Variants in DYNC1I1 observed in about 807,000 individuals in gnomAD.
DYNC1I1 encodes the protein dynein cytoplasmic 1 intermediate chain 1, also known as cytoplasmic dynein 1 intermediate chain 1.
DYNC1I1 carries 43 observed loss-of-function variants against 86.6 expected under a neutral mutation model. The ratio of observed to expected loss-of-function variants is 0.50; its 90% CI spans 0.39 to 0.64. The LOEUF (loss-of-function observed/expected upper bound fraction) is 0.64, where lower values mean the gene tolerates loss of function less well. Ranked by LOEUF, DYNC1I1 falls within the 30% of genes least tolerant of loss-of-function variation. The pLI is 0.00. For missense variants in DYNC1I1, 604 were observed against 788.8 expected, an observed-to-expected ratio of 0.77 and a Z score of 2.81; for synonymous variants, 262 against 283.7, an observed-to-expected ratio of 0.92 and a Z score of 0.77.
intron 15 of DYNC1I1, among the ~76,000 whole-genome samples, chr7:96,077,753 T>G (rs1790387576): frequency 6.6e-6 from 1 of 152,152 alleles, no homozygotes; most frequent in Admixed American, 6.5e-5. Context: ...ATGAAGGGAG[T>G]GAGTGTTCTA....
intron 1 of DYNC1I1, among the ~76,000 whole-genome samples, chr7:95,782,216 A>G (rs1430487331): frequency 6.6e-6 from 1 of 152,220 alleles, no homozygotes. Context: ...ATTCCTGACT[A>G]CAGTGGCATC....
At chr7:95,872,029 C>T (rs2116178150) in intron 6 of DYNC1I1, among the ~76,000 whole-genome samples, 1 of 152,214 alleles carries the variant, frequency 6.6e-6, no homozygotes, top group East Asian at 1.9e-4. Context: ...GGCGATGATG[C>T]CTTGACCCTT....
chr7:95,836,336 C>T (rs1425635293), intron 5 of DYNC1I1, among the ~76,000 whole-genome samples: 6 of 152,018 alleles, frequency 3.9e-5, no homozygotes, highest in Non-Finnish European at 7.4e-5. Context: ...CCGAGAGATC[C>T]GCTGTTAGTC....
intron 8 of DYNC1I1, among the ~76,000 whole-genome samples, chr7:95,985,704 T>C (rs1472014183): frequency 6.6e-6 from 1 of 152,132 alleles, no homozygotes; most frequent in Non-Finnish European, 1.5e-5. Flanking sequence ...GTCACTTGCC[T>C]TTTTCATCAG....
At chr7:96,077,276 T>TGTGTGTGTGTGTGTGG (rs1554443206) in intron 15 of DYNC1I1, among the ~76,000 whole-genome samples, 1 of 137,262 alleles carries the variant, frequency 7.3e-6, no homozygotes, top group African/African-American at 2.8e-5. Flanking sequence ...TGTGTGTGTG[T>TGTGTGTGTGTGTGTGG]GGGAGGGGGC....
chr7:95,845,830 A>T (rs957985198), intron 5 of DYNC1I1, among the ~76,000 whole-genome samples: 2 of 152,198 alleles, frequency 1.3e-5, no homozygotes, highest in Non-Finnish European at 2.9e-5. Context: ...CACCATTTGT[A>T]ATAATCATTT....
chr7:95,890,832 C>G (rs985342748), intron 6 of DYNC1I1, among the ~76,000 whole-genome samples: 6 of 152,152 alleles, frequency 3.9e-5, no homozygotes, highest in African/African-American at 9.7e-5. Flanking sequence ...AGTTTGAAAA[C>G]TGTTGGTTTA....
intron 1 of DYNC1I1, among the ~76,000 whole-genome samples, chr7:95,773,167 A>C (rs1247428749): frequency 6.6e-6 from 1 of 152,096 alleles, no homozygotes; most frequent in East Asian, 1.9e-4. Context: ...CCCCTGGAGG[A>C]GGGGGAAAGC....
intron 9 of DYNC1I1, among the ~76,000 whole-genome samples, chr7:95,991,895 C>T (rs1221363793): frequency 1.3e-5 from 2 of 152,180 alleles, no homozygotes; most frequent in Non-Finnish European, 2.9e-5. Context: ...GAGTCTCACT[C>T]TGTCACCCTA....
Position 96,098,306 on chromosome 7 carries a change from T to C in DYNC1I1, c.*713T>C. The C allele has an allele frequency of 1.0e-6, 1 of 985,844 alleles. No individual in the cohort carries two copies. The highest frequency in any genetic ancestry group is 1.2e-6 in the Non-Finnish European group (1 of 829,936). The allele number at this position is 985,844 out of a possible 1,614,324, so 61.1% of individuals were successfully genotyped here. A position where few individuals can be genotyped will look rare whatever the true frequency, so the allele number is the denominator to read the frequency against. Reference sequence around the variant, plus strand: ...TTAATGCCTATTATTTCTGGGTACTTTAACAATATTTCAAATATCATTGAC... The same window carrying C: ...TTAATGCCTATTATTTCTGGGTACTCTAACAATATTTCAAATATCATTGAC... On this transcript the variant is annotated 3_prime_UTR_variant, in exon 17 of 17. Transcript: ENST00000447467.
At chr7:96,000,953 T>C (rs1793995881) in intron 10 of DYNC1I1, among the ~76,000 whole-genome samples, 1 of 152,238 alleles carries the variant, frequency 6.6e-6, no homozygotes, top group Non-Finnish European at 1.5e-5. Context: ...GAATACACCT[T>C]TAAACAAGTT....
chr7:95,786,158 G>A (rs796660389), intron 1 of DYNC1I1, among the ~76,000 whole-genome samples: 21 of 152,200 alleles, frequency 1.4e-4, no homozygotes, highest in African/African-American at 5.1e-4. Context: ...CCCTGGGTCA[G>A]TTATGTCCTG....
chr7:95,944,466 C>T (rs183297899), intron 6 of DYNC1I1, among the ~76,000 whole-genome samples: 123 of 152,244 alleles, frequency 8.1e-4, no homozygotes, highest in African/African-American at 2.8e-3. Flanking sequence ...GTCAGTGTGG[C>T]GATTCTTCAG....
Position 96,076,165 on chromosome 7 carries a change from T to C in DYNC1I1, c.1618T>C (p.Leu540=). The part of the protein sequence containing the change: ...LFACVDGMGR[L]DLWNLNNDTE... ...TGCCTGCGTGGACGGGATGGGGCGC[T>C]TGGACCTCTGGAACCTCAACAATGA... Residue 540 remains leucine (L), a synonymous_variant, in exon 15 of 17, where the codon TTG becomes CTG. Coordinates refer to ENST00000447467, the MANE Select transcript of DYNC1I1 (RefSeq NM_001135556.2). 6.2e-7 allele frequency: 1 copy of C among 1,614,164 alleles called. No individual in the cohort carries two copies. The highest frequency in any genetic ancestry group is 2.2e-5 in the East Asian group (1 of 44,862).
downstream of DYNC1I1, among the ~76,000 whole-genome samples, chr7:96,099,212 G>A (rs1481589083): frequency 6.6e-6 from 1 of 152,174 alleles, no homozygotes; most frequent in East Asian, 1.9e-4. Context: ...GATGTGAAAA[G>A]TACAAAGGCC....
At chr7:95,922,766 A>G (rs971725054) in intron 6 of DYNC1I1, among the ~76,000 whole-genome samples, 2 of 152,122 alleles carry the variant, frequency 1.3e-5, no homozygotes, top group Admixed American at 1.3e-4. Flanking sequence ...GTTTTGAAAA[A>G]ACTACTTAAA....
chr7:95,991,981 T>A (rs1479761741), intron 9 of DYNC1I1, among the ~76,000 whole-genome samples: 3 of 152,106 alleles, frequency 2.0e-5, no homozygotes, highest in Admixed American at 6.6e-5. Flanking sequence ...TGCCTCCCCA[T>A]CCCGAGTAGC....
At chr7:95,802,542 A>G (rs1794605114) in intron 1 of DYNC1I1, 1 of 152,162 alleles carries the variant, frequency 6.6e-6, no homozygotes. Context: ...TTTTCTTTTC[A>G]AAAATCTGCT....
At chr7:96,063,907 C>G (rs1413818468) in intron 14 of DYNC1I1, among the ~76,000 whole-genome samples, 1 of 152,166 alleles carries the variant, frequency 6.6e-6, no homozygotes, top group Admixed American at 6.5e-5. Flanking sequence ...TTGAAGGGCT[C>G]CAGTCTCTCC....
Sources: allele counts gnomAD v4.1 joint callset (sites outside exome capture counted in the v4.1 genomes callset), GRCh38; gene constraint gnomAD v4.1.1; transcripts MANE v1.5; gene names NCBI Gene and HGNC (gene_info 2026-07-23, HGNC 2026-07-21).